The following PDE4D variants were observed in gnomAD, a reference collection of about 807,000 sequenced individuals.
PDE4D encodes the protein phosphodiesterase 4D, also known as 3',5'-cyclic-AMP phosphodiesterase 4D.
PDE4D carries 24 observed loss-of-function variants against 87.4 expected under a neutral mutation model. That is an observed-to-expected ratio of 0.27 (90% CI 0.20 to 0.39). The LOEUF (loss-of-function observed/expected upper bound fraction) is 0.39, where lower values mean the gene tolerates loss of function less well. PDE4D is among the 10% of genes least tolerant of loss of function. PDE4D has a pLI of 1.00. For synonymous variants in PDE4D, 384 were observed against 383.2 expected (o/e 1.00, Z -0.02); for missense variants, 714 against 1,041.0 (o/e 0.69, Z 4.32).
intron 2 of PDE4D, among the ~76,000 whole-genome samples, chr5:60,130,545 T>C (rs912446839): frequency 1.3e-5 from 2 of 152,280 alleles, no homozygotes; most frequent in East Asian, 1.9e-4. Context: ...TGCTTTCCCA[T>C]GAACTCAACT....
At chr5:59,261,723 T>C (rs1762035873) in intron 1 of PDE4D, among the ~76,000 whole-genome samples, 1 of 151,830 alleles carries the variant, frequency 6.6e-6, no homozygotes, top group Admixed American at 6.6e-5. Flanking sequence ...ACTCAAAGGC[T>C]AAATTCATTA....
At chr5:60,425,457 T>C (rs1743609453) in intron 1 of PDE4D, among the ~76,000 whole-genome samples, 1 of 152,138 alleles carries the variant, frequency 6.6e-6, no homozygotes, top group African/African-American at 2.4e-5. Flanking sequence ...TAATAAATGG[T>C]GCTGGGAAAA....
chr5:59,358,696 T>G (rs1781769711), intron 1 of PDE4D, among the ~76,000 whole-genome samples: 1 of 148,974 alleles, frequency 6.7e-6, no homozygotes, highest in South Asian at 2.1e-4. Context: ...AGGGGAGGAG[T>G]CCCTAACAGC....
chr5:59,275,328 A>C (rs773935130), intron 1 of PDE4D: 1 of 1,590,964 alleles, frequency 6.3e-7, no homozygotes. Flanking sequence ...ATGAGAGAAA[A>C]GAACGTTACC....
intron 2 of PDE4D, among the ~76,000 whole-genome samples, chr5:60,101,634 T>C (rs1477180007): frequency 6.6e-6 from 1 of 152,164 alleles, no homozygotes; most frequent in East Asian, 1.9e-4. Context: ...ACATTATATG[T>C]ATACTCTGTT....
chr5:59,813,792 A>G (rs902974709), intron 1 of PDE4D, among the ~76,000 whole-genome samples: 6 of 152,224 alleles, frequency 3.9e-5, no homozygotes, highest in African/African-American at 1.4e-4. Context: ...TCTGGGCAGG[A>G]TAATCTGTTC....
At chr5:59,054,388 C>G (rs1331109182) in intron 5 of PDE4D, among the ~76,000 whole-genome samples, 1 of 151,990 alleles carries the variant, frequency 6.6e-6, no homozygotes, top group Non-Finnish European at 1.5e-5. Context: ...GAGGTGCTCA[C>G]TTTTGAAGGC....
intron 1 of PDE4D, among the ~76,000 whole-genome samples, chr5:60,423,407 A>T (rs1743320365): frequency 6.6e-6 from 1 of 152,258 alleles, no homozygotes; most frequent in Non-Finnish European, 1.5e-5. Context: ...AAACTGCTCA[A>T]CTAAATGGAA....
intron 5 of PDE4D, among the ~76,000 whole-genome samples, chr5:59,109,449 T>G (rs775523664): frequency 1.3e-5 from 2 of 152,210 alleles, no homozygotes; most frequent in African/African-American, 4.8e-5. Context: ...GATCTTTTCA[T>G]GGATGCCAAG....
At chr5:59,291,738 G>GTTGTTTTTTTTTTTTT (rs1561894945) in intron 1 of PDE4D, among the ~76,000 whole-genome samples, 2 of 125,576 alleles carry the variant, frequency 1.6e-5, no homozygotes, top group Non-Finnish European at 1.7e-5. Context: ...GTAAAAAGAA[G>GTTGTTTTTTTTTTTTT]TTTTTTTTTT....
intron 1 of PDE4D, among the ~76,000 whole-genome samples, chr5:59,486,904 A>T (rs754061197): frequency 6.6e-6 from 1 of 152,236 alleles, no homozygotes; most frequent in Non-Finnish European, 1.5e-5. Flanking sequence ...GTAAAATGAA[A>T]ATCATAAAAT....
intron 1 of PDE4D, among the ~76,000 whole-genome samples, chr5:59,788,330 G>A (rs540678040): frequency 6.6e-6 from 1 of 152,248 alleles, no homozygotes; most frequent in East Asian, 1.9e-4. Flanking sequence ...GAAGGAGCTG[G>A]GCACATAGAG....
chr5:60,473,107 A>AAGAAAG (rs1747941553), intron 1 of PDE4D, among the ~76,000 whole-genome samples: 1 of 90,344 alleles, frequency 1.1e-5, no homozygotes, highest in South Asian at 3.7e-4. Flanking sequence ...GAAAGAAAGA[A>AAGAAAG]AGAGAGAGAG....
chr5:59,431,375 G>C (rs1796088313), intron 1 of PDE4D, among the ~76,000 whole-genome samples: 1 of 151,984 alleles, frequency 6.6e-6, no homozygotes, highest in South Asian at 2.1e-4. Context: ...AAGTGTTCAG[G>C]GTAATGAGAG....
chr5:59,009,050 T>C (rs1752237506), intron 6 of PDE4D, among the ~76,000 whole-genome samples: 1 of 152,028 alleles, frequency 6.6e-6, no homozygotes, highest in Admixed American at 6.5e-5. Flanking sequence ...CTAGAATGTA[T>C]AAAATACAAA....
intron 1 of PDE4D, among the ~76,000 whole-genome samples, chr5:59,507,679 A>AAAAAAAAAAAAAG (rs61334148): frequency 1.7e-5 from 2 of 118,714 alleles, no homozygotes; most frequent in African/African-American, 7.0e-5. Context: ...AAAAAAAAAA[A>AAAAAAAAAAAAAG]AAAAGAAAAG....
intron 1 of PDE4D, among the ~76,000 whole-genome samples, chr5:59,266,726 AG>A (rs1762920031): frequency 6.6e-6 from 1 of 152,070 alleles, no homozygotes; most frequent in East Asian, 1.9e-4. Context: ...GATTAAAAGA[AG>A]AAACTTGAAC....
chr5:60,220,158 G>C (rs1744323400), intron 1 of PDE4D, among the ~76,000 whole-genome samples: 1 of 152,130 alleles, frequency 6.6e-6, no homozygotes, highest in South Asian at 2.1e-4. Flanking sequence ...TGGCAGTGGG[G>C]GCGGTTTGCT....
intron 1 of PDE4D, among the ~76,000 whole-genome samples, chr5:60,320,344 CG>C (rs1756124222): frequency 6.6e-6 from 1 of 152,154 alleles, no homozygotes; most frequent in South Asian, 2.1e-4. Flanking sequence ...TGCAGTATTA[CG>C]GTGGGAGTGA....
Sources: gnomAD v4.1 joint callset for allele counts (sites outside exome capture counted in the v4.1 genomes callset) on GRCh38, gnomAD v4.1.1 for gene constraint, MANE v1.5 for transcripts, NCBI Gene and HGNC (gene_info 2026-07-23, HGNC 2026-07-21) for gene names.